MIGA1: variants seen among roughly 807,000 people sequenced by gnomAD.
The protein encoded by MIGA1 is mitoguardin 1.
MIGA1 carries 58 observed loss-of-function variants against 82.0 expected under a neutral mutation model. That is an observed-to-expected ratio of 0.71 (90% confidence interval 0.57 to 0.88). The LOEUF (loss-of-function observed/expected upper bound fraction) is 0.88, where lower values mean the gene tolerates loss of function less well. Ranked by LOEUF, MIGA1 falls within the 40% of genes least tolerant of loss-of-function variation. The pLI, the probability that MIGA1 is intolerant of heterozygous loss-of-function variation, is 0.00. For synonymous variants in MIGA1, 249 were observed against 253.6 expected (o/e 0.98, Z 0.17); for missense variants, 751 against 749.1 (o/e 1.00, Z -0.03).
At chr1:77,870,309 G>C (rs1359514630) in intron 14 of MIGA1, among the ~76,000 whole-genome samples, 1 of 113,914 alleles carries the variant, frequency 8.8e-6, no homozygotes, top group Admixed American at 8.1e-5. Flanking sequence ...CGGACGGAGG[G>C]GCTCCTCACT....
At chr1:77,843,219 G>A in intron 7 of MIGA1, 88 bp from the exon 8 acceptor site, 1 of 919,846 alleles carries the variant, frequency 1.1e-6, no homozygotes, top group South Asian at 1.6e-5. Context: ...TAAAGACTGG[G>A]GGAAAAATCA....
At position 77,779,677 on chromosome 1, in the gene MIGA1, C is replaced by G. The variant is rs773942600; in HGVS notation, c.22C>G (p.Pro8Ala). 3.1e-6 allele frequency: 5 copies of G among 1,588,216 alleles called. No homozygotes were observed. In the South Asian group the frequency reaches 5.8e-5, roughly 18 times the overall value. ...CTCCATGTCAGACTGCTGCTCAGCG[C>G]CAGGCATCAGCTGGGAAGCTGGCGT... The change falls in exon 1 of 16, where the codon CCA becomes GCA. Residue 8 changes from proline to alanine, a missense_variant. By Grantham distance (27) the Pro-to-Ala change is conservative. Transcript: ENST00000370791.
intron 11 of MIGA1, chr1:77,860,788 C>T (rs184671699): frequency 6.3e-6 from 1 of 157,858 alleles, no homozygotes; most frequent in East Asian, 1.9e-4. Context: ...TAGTGTAAAG[C>T]TAAGTATATG....
At chr1:77,801,168 T>A (rs528952577) in intron 2 of MIGA1, among the ~76,000 whole-genome samples, 163 bp from the exon 3 acceptor site, 154 of 152,310 alleles carry the variant, frequency 1.0e-3, no homozygotes, top group Middle Eastern at 3.4e-3. Context: ...AGATATTTTT[T>A]AAAAAATCAA....
chr1:77,825,729 A>T (rs1421118211), intron 7 of MIGA1, among the ~76,000 whole-genome samples: 2 of 152,076 alleles, frequency 1.3e-5, no homozygotes, highest in African/African-American at 2.4e-5. Context: ...ATTTTCAGAG[A>T]TTGTTAAATT....
intron 7 of MIGA1, among the ~76,000 whole-genome samples, chr1:77,816,619 T>G (rs1390438623): frequency 6.6e-6 from 1 of 152,224 alleles, no homozygotes; most frequent in Non-Finnish European, 1.5e-5. Context: ...CATTATTTAT[T>G]AGACTTGAGT....
chr1:77,847,791 G>T, intron 8 of MIGA1: 1 of 1,598,732 alleles, frequency 6.3e-7, no homozygotes, highest in Non-Finnish European at 8.5e-7. Context: ...CTACTCTGAT[G>T]AAGTAAGTTC....
At chr1:77,799,294 C>T (rs1682780733) in intron 2 of MIGA1, among the ~76,000 whole-genome samples, 1 of 152,172 alleles carries the variant, frequency 6.6e-6, no homozygotes, top group Admixed American at 6.5e-5. Context: ...CTTGAGACAT[C>T]TAAGACTTTC....
Position 77,813,813 on chromosome 1 carries a change from C to T in MIGA1, c.717C>T (p.Ala239=). Residue 239 remains alanine, a synonymous_variant, in exon 6 of 16, where the codon GCC becomes GCT. Coordinates refer to ENST00000370791, the MANE Select transcript of MIGA1 (RefSeq NM_198549.4). The stretch of plus-strand genomic sequence containing the variant: ...GCAATAGACAGGCTGAAGATGAAGC[C>T]TGTGGTTCCATTAAACTGGGTGCAG... 6.2e-7 allele frequency: 1 copy of T among 1,614,166 alleles called. No homozygotes were observed. Among genetic ancestry groups the T allele is most frequent in the Non-Finnish European group, 8.5e-7 (1 of 1,180,036 alleles).
chr1:77,845,454 T>C (rs1684801037), intron 8 of MIGA1, among the ~76,000 whole-genome samples: 1 of 152,196 alleles, frequency 6.6e-6, no homozygotes, highest in Non-Finnish European at 1.5e-5. Flanking sequence ...AATATTTTGC[T>C]AAGTGTTCAT....
chr1:77,859,453 T>C (rs529012069), intron 10 of MIGA1, 67 bp downstream of exon 10: 1 of 1,073,848 alleles, frequency 9.3e-7, no homozygotes, highest in African/African-American at 1.5e-5. Context: ...TAGAGTCCAG[T>C]GCAAATAAAC....
intron 8 of MIGA1, among the ~76,000 whole-genome samples, chr1:77,857,371 A>G (rs1453161516): frequency 1.4e-5 from 2 of 141,566 alleles, no homozygotes; most frequent in Admixed American, 1.4e-4. Context: ...ATTGTATTGT[A>G]TTTATGTATT....
intron 5 of MIGA1, among the ~76,000 whole-genome samples, chr1:77,812,149 A>G (rs949705253): frequency 7.2e-5 from 11 of 152,078 alleles, no homozygotes; most frequent in Admixed American, 1.3e-4. Context: ...CCTCATCTCT[A>G]CAAATAAATA....
intron 4 of MIGA1, among the ~76,000 whole-genome samples, chr1:77,805,156 G>A (rs78785627): frequency 0.011 from 1,671 of 151,836 alleles, 10 homozygotes; most frequent in Non-Finnish European, 0.018. Flanking sequence ...CACCACGCCC[G>A]GCTAATTTTT....
At chr1:77,835,969 AAAAGAAAG>A (rs1192054878) in intron 7 of MIGA1, among the ~76,000 whole-genome samples, 2 of 152,158 alleles carry the variant, frequency 1.3e-5, no homozygotes, top group Non-Finnish European at 2.9e-5. Flanking sequence ...AAAAAAGAAA[AAAAGAAAG>A]AAACGTAAGA....
chr1:77,827,222 C>A (rs1373585077), intron 7 of MIGA1, among the ~76,000 whole-genome samples: 1 of 152,136 alleles, frequency 6.6e-6, no homozygotes, highest in African/African-American at 2.4e-5. Context: ...TCTTAGCCTC[C>A]CGACTACCAC....
chr1:77,812,469 ATAAC>A (rs1221518809), intron 5 of MIGA1, among the ~76,000 whole-genome samples: 7 of 152,316 alleles, frequency 4.6e-5, no homozygotes, highest in African/African-American at 1.7e-4. Flanking sequence ...AAATAAATGA[ATAAC>A]AAATAAATAC....
chr1:77,782,935 A>G, intron 1 of MIGA1: 2 of 907,120 alleles, frequency 2.2e-6, no homozygotes, highest in Non-Finnish European at 2.6e-6. Context: ...TGTAACCAGA[A>G]AAGAGAGAAT....
chr1:77,809,757 T>G (rs1214136342), intron 5 of MIGA1, among the ~76,000 whole-genome samples: 1 of 131,518 alleles, frequency 7.6e-6, no homozygotes, highest in Non-Finnish European at 1.7e-5. Context: ...CATAAATGTT[T>G]TTTTTTTTTT....
Sources: allele counts gnomAD v4.1 joint callset (sites outside exome capture counted in the v4.1 genomes callset), GRCh38; gene constraint gnomAD v4.1.1; transcripts MANE v1.5; gene names NCBI Gene and HGNC (gene_info 2026-07-23, HGNC 2026-07-21).